ZNF263: variants seen among roughly 807,000 people sequenced by gnomAD.
The protein encoded by ZNF263 is zinc finger protein 263.
Under a neutral mutation model 63.1 loss-of-function variants are expected in ZNF263, and 49 were observed. The observed-to-expected ratio is 0.78, with a 90% CI of 0.62 to 0.99. The LOEUF is 0.99. Ranked by LOEUF, ZNF263 falls within the 50% of genes least tolerant of loss-of-function variation. The pLI is 0.00. For synonymous variants in ZNF263, 352 were observed against 324.2 expected (o/e 1.09, Z -0.92); for missense variants, 872 against 854.8 (o/e 1.02, Z -0.25).
rs751658512 is a variant in ZNF263 at position 3,288,562 on chromosome 16, C to T, written c.878C>T (p.Pro293Leu). 1 of 1,609,566 alleles carries T rather than the reference C, an allele frequency of 6.2e-7. No homozygotes were observed. Among genetic ancestry groups the T allele is most frequent in the Non-Finnish European group, 8.5e-7 (1 of 1,177,986 alleles). Residue 293 changes from proline to leucine, a missense_variant, in exon 5 of 6, where the codon CCA (proline) becomes CTA (leucine). Transcript: ENST00000219069. Reference sequence around the variant, plus strand: ...AAGGAGGGCCTGAGCCCCAGAGGCCCAGCTCCAGGTAAGGAATGAAGACAA... The same window carrying T: ...AAGGAGGGCCTGAGCCCCAGAGGCCTAGCTCCAGGTAAGGAATGAAGACAA... ...SCKEGLSPRG[P>L]APGEEKFENL... is the part of the protein sequence containing the mutation.
chr16:3,294,910 T>C (rs111512125), downstream of ZNF263, among the ~76,000 whole-genome samples: 72 of 152,270 alleles, frequency 4.7e-4, no homozygotes, highest in Middle Eastern at 3.4e-3. Context: ...GTCCAGCGTA[T>C]GTTTTTGGAC....
rs1489258288 is a variant in ZNF263, at chr16:3,290,021, C to T, written c.1515C>T (p.Leu505=). 1.2e-6 allele frequency: 2 copies of T among 1,613,936 alleles called. No individual in the cohort carries two copies. The highest frequency in any genetic ancestry group is 1.7e-5 in the Admixed American group (1 of 60,000). ...AGATCTTTGCTCACAGTTCCAACCT[C>T]CTTCGGCACCAGAGAATTCACACTG... ...CGEIFAHSSN[L]LRHQRIHTGE... The change falls in exon 6 of 6, where the codon CTC becomes CTT. Residue 505 remains leucine, a synonymous_variant. Coordinates refer to ENST00000219069, the MANE Select transcript of ZNF263 (RefSeq NM_005741.5).
chr16:3,301,253 C>G (rs1168356223), exon 3 of ZNF263: 2 of 167,092 alleles, frequency 1.2e-5, no homozygotes, highest in East Asian at 1.9e-4. Flanking sequence ...GGGCTCCGAG[C>G]TACAGGGACC....
At chr16:3,285,790 C>A (rs1959327764) in intron 3 of ZNF263, 36 bp downstream of exon 3, 1 of 1,608,018 alleles carries the variant, frequency 6.2e-7, no homozygotes, top group Non-Finnish European at 8.5e-7. Context: ...CCCCCAGCAC[C>A]CTTCCTCCCC....
At chr16:3,284,268 G>GC (rs1377684382) in intron 1 of ZNF263, 63 bp downstream of exon 1, 4 of 1,446,568 alleles carry the variant, frequency 2.8e-6, no homozygotes, top group Middle Eastern at 1.9e-4. Flanking sequence ...GGGACATTGC[G>GC]CCCCCGGTCG....
Position 3,289,620 on chromosome 16 carries a change from C to G in ZNF263, c.1114C>G (p.Leu372Val), listed in dbSNP as rs1389027589. 6.2e-7 allele frequency: 1 copy of G among 1,614,204 alleles called. No homozygotes were observed. Among genetic ancestry groups the G allele is most frequent in the Admixed American group, 1.7e-5 (1 of 60,034 alleles). Residue 372 changes from leucine to valine, a missense_variant, in exon 6 of 6, where the codon CTG becomes GTG. By Grantham distance (32) the Leu-to-Val change is conservative. Transcript: ENST00000219069. ...CAGAGAACTGGGGCGACCGAAGGAACTGCAGCCAAAGAAACTCCATTTATG... is the reference window on the plus strand; with the variant it reads ...CAGAGAACTGGGGCGACCGAAGGAAGTGCAGCCAAAGAAACTCCATTTATG... ...SGRELGRPKE[L>V]QPKKLHLCPL...
At chr16:3,294,985 G>A (rs1959706387), downstream of ZNF263, among the ~76,000 whole-genome samples, 1 of 152,156 alleles carries the variant, frequency 6.6e-6, no homozygotes, top group Non-Finnish European at 1.5e-5. Context: ...CCGAGGTGCT[G>A]CTGCCCTTGA....
At chr16:3,289,325 G>A in intron 5 of ZNF263, 68 bp from the exon 6 acceptor site, 1 of 1,478,088 alleles carries the variant, frequency 6.8e-7, no homozygotes, top group South Asian at 1.5e-5. Context: ...GGCAGCGGCA[G>A]ACAGGTGGGA....
In ZNF263 at chr16:3,286,099, C is replaced by A. The variant is rs138724806; in HGVS notation, c.719C>A (p.Ala240Asp). The part of the protein sequence containing the change: ...EWGHQDPSKR[A>D]LSRDTVQESY... ...GGGCATCAGGATCCTAGTAAGAGGG[C>A]CCTCTCCAGGGACACGGTGCAGGAG... is the stretch of plus-strand genomic sequence containing the variant. The change falls in exon 4 of 6, where the codon GCC becomes GAC. Residue 240 changes from alanine to aspartate, a missense_variant. Physicochemically the swap from Ala to Asp is moderately radical, Grantham distance 126. Coordinates refer to ENST00000219069, the MANE Select transcript of ZNF263 (RefSeq NM_005741.5). The A allele has an allele frequency of 3.5e-5, 56 of 1,611,380 alleles. No individual in the cohort carries two copies. The African/African-American group carries it at 6.1e-4, about 18-fold the overall frequency.
chr16:3,300,873 A>AT (rs1327051661), intron 2 of ZNF263: 1 of 378,824 alleles, frequency 2.6e-6, no homozygotes, highest in Non-Finnish European at 4.8e-6. Flanking sequence ...ATGAGTGATC[A>AT]TTTTTCAGAA....
chr16:3,288,251 CAA>C (rs879808251), intron 4 of ZNF263, among the ~76,000 whole-genome samples: 17 of 98,722 alleles, frequency 1.7e-4, no homozygotes, highest in East Asian at 5.7e-4. Context: ...GACTCTGTCT[CAA>C]AAAAAAAAAA....
Position 3,290,269 on chromosome 16 carries a change from T to C in ZNF263, c.1763T>C (p.Met588Thr). The change falls in exon 6 of 6, where the codon ATG becomes ACG. Residue 588 changes from methionine (M) to threonine (T), a missense_variant. Coordinates refer to ENST00000219069, the MANE Select transcript of ZNF263 (RefSeq NM_005741.5). ...TGTGGGAAAAGCTTCCGGCAGGGCA[T>C]GCACCTCACCAGACATCAGAGAACA... ...LTCGKSFRQGMHLTRHQRTHT... is the reference protein window; with the variant it reads ...LTCGKSFRQGTHLTRHQRTHT... 6.2e-7 allele frequency: 1 copy of C among 1,614,034 alleles called. No homozygotes were observed. Among genetic ancestry groups the C allele is most frequent in the Non-Finnish European group, 8.5e-7 (1 of 1,180,000 alleles).
Position 3,283,491 on chromosome 16 carries a change from A to G in ZNF263, c.-328A>G, listed in dbSNP as rs1314795516. 1 of 226,874 alleles carries G rather than the reference A, an allele frequency of 4.4e-6. No individual in the cohort carries two copies. The highest frequency in any genetic ancestry group is 8.9e-5 in the East Asian group (1 of 11,174). 14.1% of individuals were successfully genotyped at this position (226,874 alleles called of 1,614,324 possible). A position where few individuals can be genotyped will look rare whatever the true frequency, so the allele number is the denominator to read the frequency against. Reference sequence around the variant, plus strand: ...AGGCGCCGTGGGCTTGTGGACGCCTAACTTGCGCGCTGAGATTTCCGGCGT... The same window carrying G: ...AGGCGCCGTGGGCTTGTGGACGCCTGACTTGCGCGCTGAGATTTCCGGCGT... On this transcript the variant is annotated 5_prime_UTR_variant, in exon 1 of 6. Coordinates refer to ENST00000219069, the MANE Select transcript of ZNF263 (RefSeq NM_005741.5).
At chr16:3,285,800 C>T (rs762948186) in intron 3 of ZNF263, 46 bp downstream of exon 3, 5 of 1,603,294 alleles carry the variant, frequency 3.1e-6, no homozygotes, top group Non-Finnish European at 4.3e-6. Context: ...CCTTCCTCCC[C>T]TGAGTGTTGG....
downstream of ZNF263, among the ~76,000 whole-genome samples, chr16:3,293,913 A>C (rs1247428351): frequency 6.6e-6 from 1 of 152,254 alleles, no homozygotes; most frequent in African/African-American, 2.4e-5. Flanking sequence ...TTCAGGTTTT[A>C]GGCTCAGCAC....
intron 4 of ZNF263, among the ~76,000 whole-genome samples, chr16:3,287,391 C>CCACCA (rs1293105842): frequency 6.6e-6 from 1 of 151,254 alleles, no homozygotes; most frequent in Non-Finnish European, 1.5e-5. Flanking sequence ...CAGGTGTGAG[C>CCACCA]CACCACACCC....
At position 3,289,836 on chromosome 16, in the gene ZNF263, A is replaced by C. The variant is rs910666389; in HGVS notation, c.1330A>C (p.Ser444Arg). 1.2e-6 allele frequency: 2 copies of C among 1,614,256 alleles called. No individual in the cohort carries two copies. The highest frequency in any genetic ancestry group is 1.7e-6 in the Non-Finnish European group (2 of 1,180,050). The change falls in exon 6 of 6, where the codon AGT becomes CGT. Residue 444 changes from serine to arginine, a missense_variant. By Grantham distance (110) the Ser-to-Arg change is moderately radical. Transcript: ENST00000219069. ...HKCLECGKCF[S>R]QNTHLTRHQR... ...GTGCCTTGAATGTGGGAAATGCTTC[A>C]GTCAGAACACCCATCTGACTCGCCA...
rs756384881 is a variant in ZNF263 at position 3,284,128 on chromosome 16, C to G, written c.310C>G (p.Leu104Val). 1.2e-6 allele frequency: 2 copies of G among 1,607,890 alleles called. No individual in the cohort carries two copies. The highest frequency in any genetic ancestry group is 4.5e-5 in the East Asian group (2 of 44,730). ...GGAGATCCAGAGCAGGGTGCAGGAGCTGCATCCGGAGAGCGGCGAAGAAGC... is the reference window on the plus strand; with the variant it reads ...GGAGATCCAGAGCAGGGTGCAGGAGGTGCATCCGGAGAGCGGCGAAGAAGC... ...PQEIQSRVQE[L>V]HPESGEEAVT... is the part of the protein sequence containing the mutation. Residue 104 changes from leucine to valine, a missense_variant, in exon 1 of 6, where the codon CTG (leucine) becomes GTG (valine). Physicochemically the swap from Leu to Val is conservative, Grantham distance 32. Coordinates refer to ENST00000219069, the MANE Select transcript of ZNF263 (RefSeq NM_005741.5).
At chr16:3,297,971 A>G (rs1407212871) in intron 1 of ZNF263, among the ~76,000 whole-genome samples, 1 of 152,254 alleles carries the variant, frequency 6.6e-6, no homozygotes, top group Admixed American at 6.5e-5. Context: ...GGATTGGTGC[A>G]TTGGGAGAAG....
Sources: gnomAD v4.1 joint callset for allele counts (sites outside exome capture counted in the v4.1 genomes callset) on GRCh38, gnomAD v4.1.1 for gene constraint, MANE v1.5 for transcripts, NCBI Gene and HGNC (gene_info 2026-07-23, HGNC 2026-07-21) for gene names.